The following HECW1 variants were observed in gnomAD, a reference collection of about 807,000 sequenced individuals.
HECW1 encodes E3 ubiquitin-protein ligase HECW1.
A neutral mutation model predicts 182.3 loss-of-function variants in HECW1; 61 were observed. The ratio of observed to expected loss-of-function variants is 0.33; its 90% confidence interval spans 0.27 to 0.41. The LOEUF is 0.41. HECW1 is among the 10% of genes least tolerant of loss of function. HECW1 has a pLI of 1.00. For synonymous variants in HECW1, 859 were observed against 832.6 expected (o/e 1.03, Z -0.55); for missense variants, 1,739 against 2,108.9 (o/e 0.82, Z 3.44).
At chr7:43,314,392 AGAAAGAG>A (rs1808921110) in intron 4 of HECW1, among the ~76,000 whole-genome samples, 2 of 152,180 alleles carry the variant, frequency 1.3e-5, no homozygotes, top group African/African-American at 4.8e-5. Flanking sequence ...TGTTGTGTAT[AGAAAGAG>A]AGCACCAGAT....
chr7:43,463,824 C>T, intron 14 of HECW1, 25 bp downstream of exon 14: 1 of 1,610,792 alleles, frequency 6.2e-7, no homozygotes, highest in Non-Finnish European at 8.5e-7. Context: ...GTCCCCACAA[C>T]CTGTGATGGC....
intron 6 of HECW1, among the ~76,000 whole-genome samples, chr7:43,376,629 C>T (rs964757974): frequency 6.6e-6 from 1 of 152,234 alleles, no homozygotes; most frequent in African/African-American, 2.4e-5. Flanking sequence ...CTTTGGGAGG[C>T]CTAGGCAAGT....
rs746740077 is a variant in HECW1, at chr7:43,311,910, G to C, written c.175G>C (p.Asp59His). Residue 59 changes from aspartate to histidine, a missense_variant, in exon 4 of 30, where the codon GAT becomes CAT. This residue lies in a region of HECW1 where 279 missense variants were observed against 353.1 expected (regional missense o/e 0.79). Coordinates refer to ENST00000395891, the MANE Select transcript of HECW1 (RefSeq NM_015052.5). ...HNMDLRGGPH[D>H]GVTIPRSTSD... ...CATGGACCTCAGGGGCGGCCCCCAC[G>C]ATGGCGTCACCATTCCCCGCTCCAC... is the stretch of plus-strand genomic sequence containing the variant. 6.2e-7 allele frequency: 1 copy of C among 1,614,190 alleles called. No homozygotes were observed. Among genetic ancestry groups the C allele is most frequent in the Non-Finnish European group, 8.5e-7 (1 of 1,180,032 alleles).
chr7:43,553,717 A>ACC (rs1221549591), intron 28 of HECW1, among the ~76,000 whole-genome samples: 1 of 150,912 alleles, frequency 6.6e-6, no homozygotes, highest in Non-Finnish European at 1.5e-5. Flanking sequence ...AGGCCCCATA[A>ACC]CACCCCCCGG....
rs1554468408 is a variant in HECW1 at position 43,550,111 on chromosome 7, A to AG, written c.4249-334_4249-333insG. Among the ~76,000 whole-genome samples the AG allele has an allele frequency of 1.2e-3, 177 of 151,702 alleles. 1 individual carries two copies. Among genetic ancestry groups the AG allele is most frequent in the African/African-American group, 4.1e-3 (171 of 41,240 alleles). On this transcript the variant is annotated intron_variant, in intron 26 of 29. Transcript: ENST00000395891. ...ACATAGACCACATTCTACCAAAAAA[A>AG]AAGAAGAAGAAGAAGAAAGAAAAAA...
intron 3 of HECW1, among the ~76,000 whole-genome samples, chr7:43,272,264 G>T (rs1215530399): frequency 6.6e-6 from 1 of 152,052 alleles, no homozygotes; most frequent in Non-Finnish European, 1.5e-5. Context: ...CACCATTCTG[G>T]ACATCAGCCT....
At chr7:43,441,591 T>A (rs922977117) in intron 9 of HECW1, among the ~76,000 whole-genome samples, 3 of 152,244 alleles carry the variant, frequency 2.0e-5, no homozygotes, top group Admixed American at 2.0e-4. Context: ...GTTGGCAAAC[T>A]TTTTTGTACA....
chr7:43,208,749 C>T (rs765004474), intron 2 of HECW1, among the ~76,000 whole-genome samples: 17 of 152,180 alleles, frequency 1.1e-4, no homozygotes, highest in Non-Finnish European at 1.9e-4. Flanking sequence ...TTGGAGCCAC[C>T]GTTTCCCAGG....
At chr7:43,554,323 G>T (rs1421034918) in intron 28 of HECW1, among the ~76,000 whole-genome samples, 1 of 152,208 alleles carries the variant, frequency 6.6e-6, no homozygotes, top group African/African-American at 2.4e-5. Flanking sequence ...AGTCTCAGTT[G>T]TTTAAATAGA....
intron 3 of HECW1, among the ~76,000 whole-genome samples, chr7:43,304,462 A>ATTTT (rs1225016205): frequency 2.1e-5 from 1 of 46,654 alleles, no homozygotes; most frequent in African/African-American, 1.3e-4. Context: ...CAACACAGTT[A>ATTTT]TTTATTTATT....
chr7:43,442,850 G>A (rs1248988555), intron 10 of HECW1, among the ~76,000 whole-genome samples: 1 of 152,222 alleles, frequency 6.6e-6, no homozygotes, highest in African/African-American at 2.4e-5. Flanking sequence ...AAGGTACAGA[G>A]TAGACAGTGG....
In HECW1 at chr7:43,312,014, T is replaced by C. The variant is rs1269787694; in HGVS notation, c.279T>C (p.Ser93=). 6.2e-7 allele frequency: 1 copy of C among 1,614,172 alleles called. No homozygotes were observed. Among genetic ancestry groups the C allele is most frequent in the East Asian group, 2.2e-5 (1 of 44,888 alleles). Reference sequence around the variant, plus strand: ...GCTCCTACTATTCCATCGGGCACTCTCAGGACCTGGTCATCCACTGGGACA... The same window carrying C: ...GCTCCTACTATTCCATCGGGCACTCCCAGGACCTGGTCATCCACTGGGACA... The part of the protein sequence containing the change: ...VSSSYYSIGH[S]QDLVIHWDIK... Residue 93 remains serine, a synonymous_variant, in exon 4 of 30, where the codon TCT becomes TCC. Transcript: ENST00000395891.
chr7:43,494,330 G>T (rs79874322), intron 19 of HECW1, among the ~76,000 whole-genome samples: 61 of 151,892 alleles, frequency 4.0e-4, no homozygotes, highest in Non-Finnish European at 8.1e-4. Flanking sequence ...CCCTGCCATG[G>T]TTCAAGTTTA....
intron 2 of HECW1, among the ~76,000 whole-genome samples, chr7:43,120,563 G>A (rs575128921): frequency 6.6e-6 from 1 of 152,238 alleles, no homozygotes; most frequent in East Asian, 1.9e-4. Context: ...GATGTAACAG[G>A]TGCTTTCCTT....
chr7:43,195,633 A>G (rs1482972273), intron 2 of HECW1, among the ~76,000 whole-genome samples: 1 of 152,170 alleles, frequency 6.6e-6, no homozygotes, highest in Non-Finnish European at 1.5e-5. Context: ...ACTCAAGCCG[A>G]TGTCCAGACT....
intron 3 of HECW1, among the ~76,000 whole-genome samples, chr7:43,297,516 G>A (rs1806194694): frequency 6.6e-6 from 1 of 152,158 alleles, no homozygotes; most frequent in Admixed American, 6.5e-5. Flanking sequence ...AGTGGTTCAG[G>A]CACACTCAGA....
intron 2 of HECW1, among the ~76,000 whole-genome samples, chr7:43,173,752 T>C (rs2152669423): frequency 6.6e-6 from 1 of 152,314 alleles, no homozygotes; most frequent in Admixed American, 6.5e-5. Context: ...AGGACCACTA[T>C]TGGTCTATGG....
rs557844513 is a variant in HECW1 at position 43,202,730 on chromosome 7, C to T, written c.-31-41145C>T. ...TCAGTGTCAGGCCTCTGAGCCCAAG[C>T]TAAGCCATCATATCCCCTGTGACCT... On this transcript the variant is annotated intron_variant, in intron 2 of 29. Transcript: ENST00000395891. 1.2e-3 allele frequency among the ~76,000 whole-genome samples: 177 copies of T among 152,238 alleles called. 1 individual carries two copies. The highest frequency in any genetic ancestry group is 4.1e-3 in the African/African-American group (170 of 41,556).
At chr7:43,189,261 T>G (rs1793677078) in intron 2 of HECW1, among the ~76,000 whole-genome samples, 1 of 152,178 alleles carries the variant, frequency 6.6e-6, no homozygotes, top group Non-Finnish European at 1.5e-5. Flanking sequence ...TACTCAAATT[T>G]TAATGTGCAC....
Sources: gnomAD v4.1 joint callset for allele counts (sites outside exome capture counted in the v4.1 genomes callset) on GRCh38, gnomAD v4.1.1 for gene constraint, gnomAD v4.1.1 regional missense constraint, MANE v1.5 for transcripts, NCBI Gene and HGNC (gene_info 2026-07-23, HGNC 2026-07-21) for gene names.